COPZ2: variants seen among roughly 807,000 people sequenced by gnomAD.
The protein encoded by COPZ2 is coat protein complex I subunit zeta 2.
Under a neutral mutation model 33.2 loss-of-function variants are expected in COPZ2, and 30 were observed. That is an observed-to-expected ratio of 0.90 (90% CI 0.68 to 1.23). The LOEUF is 1.23. COPZ2 is among the 50% of genes most tolerant of loss of function. COPZ2 has a pLI of 0.00. For missense variants in COPZ2, 263 were observed against 262.4 expected (o/e 1.00, Z -0.02); for synonymous variants, 89 against 102.6 (o/e 0.87, Z 0.80).
intron 4 of COPZ2, 113 bp from the exon 5 acceptor site, chr17:48,032,854 G>A: frequency 1.2e-6 from 1 of 813,532 alleles, no homozygotes; most frequent in Non-Finnish European, 2.0e-6. Flanking sequence ...AGAGGCCTGG[G>A]CTGGAGACTG....
At chr17:48,042,428 C>G (rs1470912057), upstream of COPZ2, among the ~76,000 whole-genome samples, 1 of 152,018 alleles carries the variant, frequency 6.6e-6, no homozygotes, top group Non-Finnish European at 1.5e-5. Flanking sequence ...ACCACCGCGC[C>G]TGGCCTTGTT....
rs554574584 is a variant in COPZ2 at position 48,037,384 on chromosome 17, G to A, written c.111+283C>T. The A allele has an allele frequency of 2.1e-3, 698 of 326,388 alleles. 2 individuals are homozygous for A. The highest frequency in any genetic ancestry group is 2.0e-3 in the Non-Finnish European group (340 of 168,782). The allele number at this position is 326,388 out of a possible 1,614,324, so 20.2% of individuals were successfully genotyped here. A position where few individuals can be genotyped will look rare whatever the true frequency, so the allele number is the denominator to read the frequency against. On this transcript the variant is annotated intron_variant, in intron 1 of 8. Coordinates refer to ENST00000621465, the MANE Select transcript of COPZ2 (RefSeq NM_016429.4). The surrounding 1 kb of genome is among the most constrained non-coding windows in gnomAD (Gnocchi z 5.6). ...CGGTGATGGGAGCCGAGTCTGGGAC[G>A]GACAGGCCACTCCTTACCCTCCCCG...
upstream of COPZ2, among the ~76,000 whole-genome samples, chr17:48,042,076 A>G (rs1442303429): frequency 6.6e-6 from 1 of 152,126 alleles, no homozygotes. Context: ...AAGGAAGCTT[A>G]GGAACCACAA....
chr17:48,031,503 G>A (rs1476886188), intron 6 of COPZ2: 1 of 151,084 alleles, frequency 6.6e-6, no homozygotes, highest in African/African-American at 2.4e-5. Flanking sequence ...CCCAGAGCCA[G>A]AACTTCTTTT....
chr17:48,029,832 G>A (rs1028727922), intron 6 of COPZ2, among the ~76,000 whole-genome samples: 1 of 151,924 alleles, frequency 6.6e-6, no homozygotes, highest in African/African-American at 2.4e-5. Flanking sequence ...AGCCAGGCAT[G>A]GTGGCACACA....
At chr17:48,042,119 T>C (rs2037067942), upstream of COPZ2, among the ~76,000 whole-genome samples, 1 of 152,032 alleles carries the variant, frequency 6.6e-6, no homozygotes, top group Non-Finnish European at 1.5e-5. Flanking sequence ...ATCACTGTTG[T>C]TGCTTTTTCT....
At chr17:48,045,064 C>G in the COPZ2 span, 1 of 152,148 alleles carries the variant, frequency 6.6e-6, no homozygotes, top group Non-Finnish European at 1.5e-5. Flanking sequence ...ATCGGGTGAT[C>G]TTTCCACCTC....
upstream of COPZ2, among the ~76,000 whole-genome samples, chr17:48,042,524 C>T (rs780057005): frequency 6.6e-6 from 1 of 151,938 alleles, no homozygotes; most frequent in African/African-American, 2.4e-5. Flanking sequence ...TGCAGTAGCA[C>T]GATCTCGGCT....
chr17:48,031,307 C>T (rs928951799), intron 6 of COPZ2, among the ~76,000 whole-genome samples: 2 of 151,870 alleles, frequency 1.3e-5, no homozygotes, highest in East Asian at 1.9e-4. Flanking sequence ...AAAAAATTAG[C>T]TTGGTGTGGT....
At chr17:48,041,317 C>T (rs997987351), upstream of COPZ2, among the ~76,000 whole-genome samples, 1 of 151,908 alleles carries the variant, frequency 6.6e-6, no homozygotes, top group African/African-American at 2.4e-5. Context: ...TACATGCGTG[C>T]GTTTCTGTGC....
upstream of COPZ2, among the ~76,000 whole-genome samples, chr17:48,039,425 A>G (rs916774261): frequency 1.3e-5 from 2 of 151,434 alleles, no homozygotes; most frequent in Non-Finnish European, 2.9e-5. Flanking sequence ...AGCCATGATC[A>G]TGCCACTGTG....
At chr17:48,044,623 T>C in the COPZ2 span, among the ~76,000 whole-genome samples, 1 of 152,094 alleles carries the variant, frequency 6.6e-6, no homozygotes, top group South Asian at 2.1e-4. Context: ...GCAGCCAGGA[T>C]TGAGAAGCAA....
chr17:48,043,114 G>C, the COPZ2 span, among the ~76,000 whole-genome samples: 1 of 152,182 alleles, frequency 6.6e-6, no homozygotes, highest in Non-Finnish European at 1.5e-5. Context: ...AAGCCAAGTT[G>C]GGTTCAAAAA....
chr17:48,033,901 A>C lies in COPZ2; in HGVS notation c.230T>G (p.Phe77Cys). Residue 77 changes from phenylalanine (F) to cysteine (C), a missense_variant, in exon 3 of 9, where the codon TTC (phenylalanine) becomes TGC (cysteine). Physicochemically the swap from Phe to Cys is radical, Grantham distance 205. Coordinates refer to ENST00000621465, the MANE Select transcript of COPZ2 (RefSeq NM_016429.4). ...TFPSMKEQMV[F>C]EKNVFNKTSR... ...GGTCTTGTTGAAGACATTTTTCTCGAAAACCATCTGCTCCTTCATGGAGGG... is the reference window on the plus strand; with the variant it reads ...GGTCTTGTTGAAGACATTTTTCTCGCAAACCATCTGCTCCTTCATGGAGGG... 6.2e-7 allele frequency: 1 copy of C among 1,612,160 alleles called. No homozygotes were observed. The highest frequency in any genetic ancestry group is 8.5e-7 in the Non-Finnish European group (1 of 1,179,102).
At chr17:48,039,876 C>T (rs1320503285), upstream of COPZ2, among the ~76,000 whole-genome samples, 1 of 152,132 alleles carries the variant, frequency 6.6e-6, no homozygotes, top group Non-Finnish European at 1.5e-5. Context: ...AATTCCAGCT[C>T]TTTGGAAGGC....
rs927495851 is a variant in COPZ2 at position 48,033,159 on chromosome 17, A to G, written c.360+52T>C. ...GCCTCAAGCCCAGATTCCAAATAACAACATTTCCCCATAGACAGACCCTTC... is the reference window on the plus strand; with the variant it reads ...GCCTCAAGCCCAGATTCCAAATAACGACATTTCCCCATAGACAGACCCTTC... On this transcript the variant is annotated intron_variant, in intron 4 of 8. Transcript: ENST00000621465. 9 of 1,269,290 alleles carry G rather than the reference A, an allele frequency of 7.1e-6. No homozygotes were observed. The African/African-American group carries it at 8.8e-5, about 12-fold the overall frequency. The allele number at this position is 1,269,290 out of a possible 1,614,324, so 78.6% of individuals were successfully genotyped here. A position where few individuals can be genotyped will look rare whatever the true frequency, so the allele number is the denominator to read the frequency against.
At chr17:48,039,684 C>A (rs1440848322), upstream of COPZ2, among the ~76,000 whole-genome samples, 1 of 152,064 alleles carries the variant, frequency 6.6e-6, no homozygotes, top group Non-Finnish European at 1.5e-5. Context: ...TATAAGTGTT[C>A]CTTCTCCCCG....
At chr17:48,043,626 G>C in the COPZ2 span, 1 of 931,264 alleles carries the variant, frequency 1.1e-6, no homozygotes, top group Non-Finnish European at 1.3e-6. Context: ...CTTTCTCTGA[G>C]ATAAAGTTGT....
intron 2 of COPZ2, 143 bp downstream of exon 2, chr17:48,036,708 A>T: frequency 1.5e-6 from 1 of 680,344 alleles, no homozygotes; most frequent in Non-Finnish European, 2.6e-6. Context: ...CAGCACCTTG[A>T]CAAGGCAGGA....
Sources: allele counts gnomAD v4.1 joint callset (sites outside exome capture counted in the v4.1 genomes callset), GRCh38; gene constraint gnomAD v4.1.1; non-coding constraint Gnocchi (gnomAD v3.1); transcripts MANE v1.5; gene names NCBI Gene and HGNC (gene_info 2026-07-23, HGNC 2026-07-21).